Variants in FBXL5 observed in about 807,000 individuals in gnomAD.
FBXL5 encodes the protein F-box/LRR-repeat protein 5.
In FBXL5, 26 loss-of-function variants were observed where a neutral mutation model predicts 78.3. That is an observed-to-expected ratio of 0.33 (90% CI 0.24 to 0.46). FBXL5 has a LOEUF of 0.46. Among genes scored for constraint, FBXL5 ranks in the 20% least tolerant of loss-of-function variants. FBXL5 has a pLI of 1.00. For synonymous variants in FBXL5, 295 were observed against 282.5 expected (o/e 1.04, Z -0.45); for missense variants, 710 against 829.2 (o/e 0.86, Z 1.77).
At chr4:15,641,707 T>A in intron 2 of FBXL5, 1 of 434,672 alleles carries the variant, frequency 2.3e-6, no homozygotes, top group Non-Finnish European at 4.6e-6. Flanking sequence ...CTAATCCCCA[T>A]GTTGTTCAAG....
chr4:15,619,777 GTT>G (rs1712294189), intron 9 of FBXL5, among the ~76,000 whole-genome samples: 1 of 152,216 alleles, frequency 6.6e-6, no homozygotes, highest in Non-Finnish European at 1.5e-5. Flanking sequence ...GAGCTCGGGA[GTT>G]TGAGTTGAGC....
At chr4:15,624,510 T>C (rs961814714) in intron 9 of FBXL5, among the ~76,000 whole-genome samples, 2 of 151,850 alleles carry the variant, frequency 1.3e-5, no homozygotes, top group African/African-American at 4.8e-5. Flanking sequence ...AGGTGGGTCC[T>C]ATAAAACATA....
chr4:15,661,709 C>T (rs1717319270), upstream of FBXL5, among the ~76,000 whole-genome samples: 1 of 152,082 alleles, frequency 6.6e-6, no homozygotes, highest in Non-Finnish European at 1.5e-5. Flanking sequence ...GGCTTAAGCA[C>T]CCTTTAAAAC....
At chr4:15,615,359 G>A (rs1252085723) in intron 9 of FBXL5, among the ~76,000 whole-genome samples, 1 of 152,066 alleles carries the variant, frequency 6.6e-6, no homozygotes, top group African/African-American at 2.4e-5. Flanking sequence ...GATCCACTGG[G>A]TGAAGCCAGC....
At chr4:15,630,822 A>C (rs1470789440) in intron 5 of FBXL5, 31 bp from the exon 6 acceptor site, 2 of 1,600,572 alleles carry the variant, frequency 1.2e-6, no homozygotes, top group South Asian at 2.2e-5. Context: ...TAAAAGGTTC[A>C]AAATAATATC....
chr4:15,667,649 C>G (rs1299960096), intron 1 of FBXL5, among the ~76,000 whole-genome samples: 1 of 152,108 alleles, frequency 6.6e-6, no homozygotes, highest in Non-Finnish European at 1.5e-5. Flanking sequence ...GCCACAAATA[C>G]CATGACAAAC....
chr4:15,617,138 T>A lies in FBXL5; in HGVS notation c.1851-4724A>T, dbSNP rs143960617. ...AGGTATATAACCAAAGGACTATAAA[T>A]CATTCTATTATAAAGACATATGCAT... On this transcript the variant is annotated intron_variant, in intron 9 of 10. Transcript: ENST00000341285. Among the ~76,000 whole-genome samples the A allele has an allele frequency of 2.3e-3, 355 of 152,344 alleles. 1 individual carries two copies. Among genetic ancestry groups the A allele is most frequent in the Non-Finnish European group, 2.8e-3 (191 of 68,034 alleles).
At chr4:15,647,718 A>C (rs560072281) in intron 1 of FBXL5, among the ~76,000 whole-genome samples, 25 of 152,256 alleles carry the variant, frequency 1.6e-4, no homozygotes, top group Non-Finnish European at 3.4e-4. Flanking sequence ...AACCTAGCAC[A>C]GTAGTTAAAA....
At chr4:15,611,571 A>G (rs1181096040) in intron 10 of FBXL5, among the ~76,000 whole-genome samples, 1 of 152,186 alleles carries the variant, frequency 6.6e-6, no homozygotes, top group Non-Finnish European at 1.5e-5. Context: ...CAAATGTGCA[A>G]AAAGGCACTG....
chr4:15,612,363 A>G lies in FBXL5; in HGVS notation c.1902T>C (p.Ser634=), dbSNP rs1263028345. 6.2e-7 allele frequency: 1 copy of G among 1,612,914 alleles called. No homozygotes were observed. The highest frequency in any genetic ancestry group is 1.1e-5 in the South Asian group (1 of 90,816). The change falls in exon 10 of 11, where the codon TCT becomes TCC. Residue 634 remains serine (S), a synonymous_variant. Coordinates refer to ENST00000341285, the MANE Select transcript of FBXL5 (RefSeq NM_012161.4). ...GLPYLEHLNL[S]GCLTITGAGL... ...CTGCACCAGTTATAGTAAGACAACC[A>G]GAGAGATTAAGGTGCTCCAAATAAG...
Position 15,630,697 on chromosome 4 carries a change from C to T in FBXL5, c.861G>A (p.Glu287=). The change falls in exon 6 of 11, where the codon GAG becomes GAA. Residue 287 remains glutamate (E), a synonymous_variant. Coordinates refer to ENST00000341285, the MANE Select transcript of FBXL5 (RefSeq NM_012161.4). Reference sequence around the variant, plus strand: ...CATCAATGTCAGCATCTTCATCCCACTCATGAAAAGCACGACTTTCATCTT... The same window carrying T: ...CATCAATGTCAGCATCTTCATCCCATTCATGAAAAGCACGACTTTCATCTT... ...NRKDESRAFH[E]WDEDADIDES... The T allele has an allele frequency of 6.3e-7, 1 of 1,598,528 alleles. No homozygotes were observed. The highest frequency in any genetic ancestry group is 1.1e-5 in the South Asian group (1 of 87,104).
intron 9 of FBXL5, among the ~76,000 whole-genome samples, chr4:15,616,540 C>G (rs1711903043): frequency 1.3e-5 from 2 of 152,190 alleles, no homozygotes; most frequent in African/African-American, 4.8e-5. Flanking sequence ...TCTGAACTCC[C>G]CTTTCATCCC....
In FBXL5 at chr4:15,625,860, A is replaced by G. The variant is rs372190170; in HGVS notation, c.1242T>C (p.His414=). 6.2e-7 allele frequency: 1 copy of G among 1,614,154 alleles called. No individual in the cohort carries two copies. Among genetic ancestry groups the G allele is most frequent in the Non-Finnish European group, 8.5e-7 (1 of 1,180,028 alleles). Residue 414 remains histidine (H), a synonymous_variant, in exon 9 of 11, where the codon CAT becomes CAC. Transcript: ENST00000341285. ...ISRALGILTS[H]QSGFLKTSTS... ...TAGATGTTTTCAAAAAGCCACTTTG[A>G]TGAGATGTCAGAATTCCAAGAGCTC...
intron 9 of FBXL5, among the ~76,000 whole-genome samples, chr4:15,615,115 C>A (rs12511894): frequency 6.6e-6 from 1 of 151,990 alleles, no homozygotes; most frequent in Non-Finnish European, 1.5e-5. Flanking sequence ...ACCGGCACCG[C>A]GCTCGATTTC....
intron 9 of FBXL5, among the ~76,000 whole-genome samples, chr4:15,613,287 T>C (rs1489350982): frequency 6.6e-6 from 1 of 152,212 alleles, no homozygotes; most frequent in Non-Finnish European, 1.5e-5. Context: ...TGAACAACCC[T>C]GTAAATATAC....
intron 1 of FBXL5, among the ~76,000 whole-genome samples, chr4:15,672,549 A>G (rs1425161596): frequency 6.6e-6 from 1 of 152,232 alleles, no homozygotes; most frequent in Non-Finnish European, 1.5e-5. Flanking sequence ...AAACATAGAA[A>G]AGTTATAGTA....
At chr4:15,641,186 C>G (rs2148652197) in intron 2 of FBXL5, among the ~76,000 whole-genome samples, 1 of 152,140 alleles carries the variant, frequency 6.6e-6, no homozygotes, top group African/African-American at 2.4e-5. Flanking sequence ...TTCTACATGT[C>G]AGTTCTCTTA....
chr4:15,616,646 A>G (rs369302940), intron 9 of FBXL5, among the ~76,000 whole-genome samples: 29 of 152,146 alleles, frequency 1.9e-4, no homozygotes, highest in Admixed American at 6.5e-5. Flanking sequence ...TCTTTCCCCA[A>G]TTCCAGTGAC....
At chr4:15,657,185 C>G (rs1717029783), upstream of FBXL5, among the ~76,000 whole-genome samples, 1 of 152,166 alleles carries the variant, frequency 6.6e-6, no homozygotes, top group Non-Finnish European at 1.5e-5. Context: ...TTCTTTACCT[C>G]ATACTAATCT....
Sources: gnomAD v4.1 joint callset for allele counts (sites outside exome capture counted in the v4.1 genomes callset) on GRCh38, gnomAD v4.1.1 for gene constraint, MANE v1.5 for transcripts, NCBI Gene and HGNC (gene_info 2026-07-23, HGNC 2026-07-21) for gene names.